The following PDGFRA variants were observed in gnomAD, a reference collection of about 807,000 sequenced individuals.
PDGFRA encodes the protein platelet derived growth factor receptor alpha, also known as platelet-derived growth factor receptor alpha.
Under a neutral mutation model 121.5 loss-of-function variants are expected in PDGFRA, and 25 were observed. The ratio of observed to expected loss-of-function variants is 0.21; its 90% CI spans 0.15 to 0.29. The LOEUF (loss-of-function observed/expected upper bound fraction) is 0.29. PDGFRA is among the 10% of genes least tolerant of loss of function. The probability of loss-of-function intolerance (pLI) is 1.00; values close to 1 mark genes in which losing one functional copy is unlikely to be tolerated. For missense variants in PDGFRA, 1,008 were observed against 1,345.1 expected, an observed-to-expected ratio of 0.75 and a Z score of 3.92; for synonymous variants, 463 against 494.8, an observed-to-expected ratio of 0.94 and a Z score of 0.85.
chr4:54,240,379 C>T (rs1467233757), intron 1 of PDGFRA, among the ~76,000 whole-genome samples: 1 of 152,166 alleles, frequency 6.6e-6, no homozygotes, highest in African/African-American at 2.4e-5. Flanking sequence ...GGCCACCCCC[C>T]AGATGCTCTG....
chr4:54,244,642 ACT>A (rs764486882), intron 1 of PDGFRA, among the ~76,000 whole-genome samples: 1 of 152,174 alleles, frequency 6.6e-6, no homozygotes, highest in Non-Finnish European at 1.5e-5. Context: ...AAAACTGGAA[ACT>A]CTGAAAAGCA....
Position 54,296,367 on chromosome 4 carries a change from GT to G in PDGFRA, c.*1111del, listed in dbSNP as rs34529347. The G allele has an allele frequency of 0.24, 49,590 of 206,158 alleles. 5,362 individuals are homozygous for G. Among genetic ancestry groups the G allele is most frequent in the African/African-American group, 0.44 (18,845 of 42,470 alleles). 12.8% of individuals were successfully genotyped at this position (206,158 alleles called of 1,614,324 possible). A position where few individuals can be genotyped will look rare whatever the true frequency, so the allele number is the denominator to read the frequency against. ...CAGCAAAAAGACTGGATTTGCAGAA[GT>G]TTTTTTTTTTTTTTTCTTCATGCCT... On this transcript the variant is annotated 3_prime_UTR_variant, in exon 23 of 23. Transcript: ENST00000257290.
intron 22 of PDGFRA, among the ~76,000 whole-genome samples, chr4:54,293,386 T>TTTG (rs2110354746): frequency 6.6e-6 from 1 of 152,270 alleles, no homozygotes; most frequent in South Asian, 2.1e-4. Flanking sequence ...TTGTCTGCCT[T>TTTG]TTGTAACATT....
At chr4:54,251,065 C>CAAA (rs566538469) in intron 1 of PDGFRA, among the ~76,000 whole-genome samples, 11 of 51,820 alleles carry the variant, frequency 2.1e-4, no homozygotes, top group East Asian at 9.6e-4. Context: ...AACTCCGTCT[C>CAAA]AAAAAAAAAA....
At chr4:54,232,448 T>A (rs1238862630) in intron 1 of PDGFRA, among the ~76,000 whole-genome samples, 1 of 152,210 alleles carries the variant, frequency 6.6e-6, no homozygotes, top group Non-Finnish European at 1.5e-5. Context: ...GAAACCCGAC[T>A]TGGGGCGCCT....
At chr4:54,241,506 T>C (rs958766185) in intron 1 of PDGFRA, among the ~76,000 whole-genome samples, 3 of 150,660 alleles carry the variant, frequency 2.0e-5, no homozygotes, top group African/African-American at 7.3e-5. Flanking sequence ...TAGCCATAAC[T>C]GAAAGGAAAT....
At chr4:54,262,031 A>T (rs1196756921) in intron 3 of PDGFRA, among the ~76,000 whole-genome samples, 1 of 149,306 alleles carries the variant, frequency 6.7e-6, no homozygotes, top group Admixed American at 6.8e-5. Context: ...CCCTTGGTTC[A>T]AGCGATTCTC....
At chr4:54,255,051 GAGGGCAC>G (rs936333518) in intron 1 of PDGFRA, among the ~76,000 whole-genome samples, 1 of 152,174 alleles carries the variant, frequency 6.6e-6, no homozygotes, top group Admixed American at 6.5e-5. Flanking sequence ...GTGAAGTGGA[GAGGGCAC>G]AGCTTTTGCA....
At position 54,277,411 on chromosome 4, in the gene PDGFRA, T is replaced by A. The variant is rs2110308481; in HGVS notation, c.1810T>A (p.Phe604Ile). The change falls in exon 13 of 23, where the codon TTT becomes ATT. Residue 604 changes from phenylalanine to isoleucine, a missense_variant. Physicochemically the swap from Phe to Ile is conservative, Grantham distance 21. Around this residue, in one of 5 missense-constraint regions of PDGFRA, gnomAD observed 61 missense variants for 125.3 expected, o/e 0.49. Transcript: ENST00000257290. ...VLGRVLGSGA[F>I]GKVVEGTAYG... is the part of the protein sequence containing the mutation. ...AGGTCGGGTCTTGGGGTCTGGAGCG[T>A]TTGGGAAGGTGGTTGAAGGAACAGC... 6.2e-7 allele frequency: 1 copy of A among 1,613,890 alleles called. No individual in the cohort carries two copies. The highest frequency in any genetic ancestry group is 8.5e-7 in the Non-Finnish European group (1 of 1,179,918).
At chr4:54,256,939 G>A (rs971986238) in intron 1 of PDGFRA, among the ~76,000 whole-genome samples, 2 of 152,120 alleles carry the variant, frequency 1.3e-5, no homozygotes, top group African/African-American at 4.8e-5. Flanking sequence ...TCAGGTGGGA[G>A]GATTGCTTGA....
rs769571735 is a variant in PDGFRA at position 54,296,625 on chromosome 4, A to C, written c.*1353A>C. On this transcript the variant is annotated 3_prime_UTR_variant, in exon 23 of 23. Coordinates refer to ENST00000257290, the MANE Select transcript of PDGFRA (RefSeq NM_006206.6). Reference sequence around the variant, plus strand: ...CAGGATGACTAGATCCTGGGTTTCCATCCTTGAGATTCTGAAGTATGAAGT... The same window carrying C: ...CAGGATGACTAGATCCTGGGTTTCCCTCCTTGAGATTCTGAAGTATGAAGT... 3.9e-5 allele frequency: 9 copies of C among 232,560 alleles called. No individual in the cohort carries two copies. Among genetic ancestry groups the C allele is most frequent in the Non-Finnish European group, 8.5e-6 (1 of 117,726 alleles). The allele number at this position is 232,560 out of a possible 1,614,324, so 14.4% of individuals were successfully genotyped here. A position where few individuals can be genotyped will look rare whatever the true frequency, so the allele number is the denominator to read the frequency against.
At chr4:54,264,045 G>A in intron 4 of PDGFRA, 118 bp downstream of exon 4, 1 of 874,128 alleles carries the variant, frequency 1.1e-6, no homozygotes, top group Non-Finnish European at 1.8e-6. Context: ...ATTCTGATTT[G>A]GGGATTTAGG....
intron 1 of PDGFRA, among the ~76,000 whole-genome samples, chr4:54,251,070 A>AC (rs1291945530): frequency 6.6e-6 from 1 of 151,588 alleles, no homozygotes; most frequent in East Asian, 1.9e-4. Context: ...CGTCTCAAAA[A>AC]AAAAAAAAAA....
At chr4:54,263,469 A>G (rs188539751) in intron 3 of PDGFRA, among the ~76,000 whole-genome samples, 198 bp from the exon 4 acceptor site, 1 of 152,316 alleles carries the variant, frequency 6.6e-6, no homozygotes, top group African/African-American at 2.4e-5. Flanking sequence ...GAGACAGGCA[A>G]TTTGGTATTA....
At position 54,246,621 on chromosome 4, in the gene PDGFRA, T is replaced by C. The variant is rs1305554730; in HGVS notation, c.-12-12136T>C. 2.0e-5 allele frequency among the ~76,000 whole-genome samples: 3 copies of C among 151,686 alleles called. No homozygotes were observed. The East Asian group carries it at 5.8e-4, about 29-fold the overall frequency. On this transcript the variant is annotated intron_variant, in intron 1 of 22. Coordinates refer to ENST00000257290, the MANE Select transcript of PDGFRA (RefSeq NM_006206.6). The stretch of plus-strand genomic sequence containing the variant: ...TGCCCACAAGAGAAAGCAGGAAAGA[T>C]CCAAAATTGTCACCCTAACATCACA...
chr4:54,274,654 C>A, intron 11 of PDGFRA, 29 bp downstream of exon 11: 2 of 1,563,620 alleles, frequency 1.3e-6, no homozygotes, highest in African/African-American at 1.4e-5. Context: ...AACTAAAGAT[C>A]TTTGAAGCCA....
intron 16 of PDGFRA, 80 bp downstream of exon 16, chr4:54,280,562 G>A (rs543069014): frequency 5.9e-6 from 7 of 1,189,970 alleles, no homozygotes; most frequent in Non-Finnish European, 8.6e-6. Context: ...AGAGGGAAGT[G>A]TATAGGGATG....
intron 19 of PDGFRA, 76 bp from the exon 20 acceptor site, chr4:54,288,723 G>T: frequency 1.2e-6 from 1 of 864,970 alleles, no homozygotes. Flanking sequence ...TTTTCTAACA[G>T]TGTTCTATCA....
At chr4:54,248,170 C>G (rs1296044678) in intron 1 of PDGFRA, among the ~76,000 whole-genome samples, 2 of 152,156 alleles carry the variant, frequency 1.3e-5, no homozygotes, top group African/African-American at 4.8e-5. Context: ...AATGCCATCC[C>G]CATCAAGCTA....
Sources: gnomAD v4.1 joint callset for allele counts (sites outside exome capture counted in the v4.1 genomes callset) on GRCh38, gnomAD v4.1.1 for gene constraint, gnomAD v4.1.1 regional missense constraint, MANE v1.5 for transcripts, NCBI Gene and HGNC (gene_info 2026-07-23, HGNC 2026-07-21) for gene names.